The following ULK4 variants were observed in gnomAD, a reference collection of about 807,000 sequenced individuals.
ULK4 encodes inactive serine/threonine-protein kinase ULK4.
A neutral mutation model predicts 160.6 loss-of-function variants in ULK4; 133 were observed. The observed-to-expected ratio is 0.83, with a 90% CI of 0.72 to 0.96. The LOEUF (loss-of-function observed/expected upper bound fraction) is 0.96, where lower values mean the gene tolerates loss of function less well. ULK4 is among the 40% of genes least tolerant of loss of function. The pLI, the probability that ULK4 is intolerant of heterozygous loss-of-function variation, is 0.00. For missense variants in ULK4, 1,580 were observed against 1,499.5 expected (o/e 1.05, Z -0.89); for synonymous variants, 534 against 539.8 (o/e 0.99, Z 0.15).
intron 17 of ULK4, among the ~76,000 whole-genome samples, chr3:41,837,598 C>G (rs754032446): frequency 6.7e-6 from 1 of 149,686 alleles, no homozygotes; most frequent in Non-Finnish European, 1.5e-5. Flanking sequence ...GAGTCTCACT[C>G]TGTCACCCAG....
chr3:41,794,635 T>C (rs1352226183), intron 20 of ULK4, among the ~76,000 whole-genome samples: 3 of 95,910 alleles, frequency 3.1e-5, no homozygotes, highest in Non-Finnish European at 5.6e-5. Context: ...CACTCCAGCC[T>C]GGGTGACAGA....
chr3:41,858,822 C>CT (rs1278151555), intron 17 of ULK4, among the ~76,000 whole-genome samples: 3 of 151,702 alleles, frequency 2.0e-5, no homozygotes, highest in African/African-American at 7.3e-5. Flanking sequence ...TTTTTTCCCC[C>CT]CCATAGAAAG....
In ULK4 at chr3:41,248,453, A is replaced by G. The variant is rs763674838; in HGVS notation, c.3764+1036T>C. The stretch of plus-strand genomic sequence containing the variant: ...AAACCATGAATACGAACTTACTTCT[A>G]TGGTTTATGCTGAAGACAAAAGGGG... On this transcript the variant is annotated intron_variant, in intron 36 of 36. Transcript: ENST00000301831. Among the ~76,000 whole-genome samples, 16 of 152,270 alleles carry G rather than the reference A, an allele frequency of 1.1e-4. No homozygotes were observed. In the South Asian group the frequency reaches 1.5e-3, roughly 14 times the overall value.
intron 35 of ULK4, among the ~76,000 whole-genome samples, chr3:41,283,210 T>C (rs2079393463): frequency 6.6e-6 from 1 of 152,158 alleles, no homozygotes; most frequent in African/African-American, 2.4e-5. Flanking sequence ...GGAGTGTAAA[T>C]TAGTCAACCA....
At chr3:41,289,865 ATGTATGTATGTG>A (rs1559506840) in intron 35 of ULK4, among the ~76,000 whole-genome samples, 2 of 147,242 alleles carry the variant, frequency 1.4e-5, no homozygotes, top group African/African-American at 5.3e-5. Context: ...GTACGTATGT[ATGTATGTATGTG>A]TGTGTGTGTG....
intron 32 of ULK4, among the ~76,000 whole-genome samples, chr3:41,516,719 G>T (rs191016803): frequency 3.9e-5 from 6 of 151,960 alleles, no homozygotes; most frequent in African/African-American, 1.4e-4. Flanking sequence ...GGGGAAGGTT[G>T]AGATGGTTAA....
At chr3:41,303,355 G>C (rs2079836663) in intron 35 of ULK4, among the ~76,000 whole-genome samples, 1 of 152,156 alleles carries the variant, frequency 6.6e-6, no homozygotes, top group Non-Finnish European at 1.5e-5. Context: ...AGCATTTCTA[G>C]TTCACGCTAG....
chr3:41,687,061 C>T (rs565873237), intron 27 of ULK4, among the ~76,000 whole-genome samples: 7 of 150,632 alleles, frequency 4.6e-5, no homozygotes, highest in Admixed American at 1.3e-4. Flanking sequence ...CCAGCCTGGG[C>T]GACAAAAGAC....
chr3:41,928,844 T>C (rs1699481491), intron 5 of ULK4, among the ~76,000 whole-genome samples: 3 of 152,052 alleles, frequency 2.0e-5, no homozygotes, highest in Non-Finnish European at 1.5e-5. Flanking sequence ...GAGGCAGTAA[T>C]TAATAGCCTA....
At chr3:41,535,839 G>C (rs1338409749) in intron 32 of ULK4, among the ~76,000 whole-genome samples, 1 of 152,096 alleles carries the variant, frequency 6.6e-6, no homozygotes, top group South Asian at 2.1e-4. Flanking sequence ...CCACCAGCTG[G>C]GGCCAGGATA....
chr3:41,354,718 G>A (rs1195803397), intron 35 of ULK4, among the ~76,000 whole-genome samples: 1 of 152,180 alleles, frequency 6.6e-6, no homozygotes, highest in Non-Finnish European at 1.5e-5. Flanking sequence ...GATGGGGCAA[G>A]CAAACTCTGC....
chr3:41,856,322 G>A (rs1005270637), intron 17 of ULK4, among the ~76,000 whole-genome samples: 5 of 151,326 alleles, frequency 3.3e-5, no homozygotes, highest in Non-Finnish European at 7.4e-5. Context: ...CAATATGGAG[G>A]ATTTAAATGA....
chr3:41,922,070 A>G (rs551453385), intron 5 of ULK4, among the ~76,000 whole-genome samples: 127 of 152,110 alleles, frequency 8.3e-4, no homozygotes, highest in Non-Finnish European at 1.6e-3. Flanking sequence ...GGAGAATGGC[A>G]TGAACCCAGG....
At chr3:41,407,801 A>G (rs1406631954) in intron 34 of ULK4, among the ~76,000 whole-genome samples, 1 of 152,174 alleles carries the variant, frequency 6.6e-6, no homozygotes, top group Non-Finnish European at 1.5e-5. Context: ...ATCATGAACA[A>G]AGAAAGATGT....
chr3:41,695,050 GTGA>G (rs2036443122), intron 27 of ULK4, among the ~76,000 whole-genome samples: 1 of 152,184 alleles, frequency 6.6e-6, no homozygotes, highest in African/African-American at 2.4e-5. Context: ...TCAATGTCTT[GTGA>G]GGGCTGCTTC....
intron 22 of ULK4, among the ~76,000 whole-genome samples, chr3:41,749,569 G>C (rs1417673859): frequency 6.6e-6 from 1 of 152,118 alleles, no homozygotes; most frequent in East Asian, 1.9e-4. Flanking sequence ...AAGGTAGGAC[G>C]GGCTAAGCTA....
At chr3:41,323,708 G>A (rs1049796758) in intron 35 of ULK4, among the ~76,000 whole-genome samples, 6 of 151,882 alleles carry the variant, frequency 4.0e-5, no homozygotes, top group African/African-American at 1.2e-4. Context: ...TCACTCCCAC[G>A]AGTGCTTACA....
chr3:41,443,775 A>T (rs1256933424), intron 34 of ULK4, among the ~76,000 whole-genome samples: 1 of 152,038 alleles, frequency 6.6e-6, no homozygotes, highest in Non-Finnish European at 1.5e-5. Flanking sequence ...TTTCAATTAT[A>T]TACACATTTT....
At chr3:41,264,717 G>A (rs986440534) in intron 35 of ULK4, among the ~76,000 whole-genome samples, 2 of 152,176 alleles carry the variant, frequency 1.3e-5, no homozygotes, top group Admixed American at 6.5e-5. Flanking sequence ...TGGATTAATC[G>A]ACAATTATAA....
Sources: allele counts gnomAD v4.1 joint callset (sites outside exome capture counted in the v4.1 genomes callset), GRCh38; gene constraint gnomAD v4.1.1; transcripts MANE v1.5; gene names NCBI Gene and HGNC (gene_info 2026-07-23, HGNC 2026-07-21).